CA10: variants seen among roughly 807,000 people sequenced by gnomAD.
CA10 encodes the protein carbonic anhydrase 10 (inactive), also known as carbonic anhydrase-related protein 10.
Under a neutral mutation model 44.2 loss-of-function variants are expected in CA10, and 14 were observed. The observed-to-expected ratio is 0.32, with a 90% CI of 0.21 to 0.50. CA10 has a LOEUF of 0.50. Among genes scored for constraint, CA10 ranks in the 20% least tolerant of loss-of-function variants. CA10 has a pLI of 0.99. For synonymous variants in CA10, 159 were observed against 141.6 expected (o/e 1.12, Z -0.87); for missense variants, 350 against 409.7 (o/e 0.85, Z 1.26).
At chr17:51,697,103 C>T (rs959854427) in intron 4 of CA10, among the ~76,000 whole-genome samples, 39 of 151,358 alleles carry the variant, frequency 2.6e-4, no homozygotes, top group Non-Finnish European at 7.4e-5. Flanking sequence ...AAAAAAGCAC[C>T]GTGTTAGAGC....
rs114913716 is a variant in CA10 at position 51,901,730 on chromosome 17, C to T, written c.279+29260G>A. Among the ~76,000 whole-genome samples, 480 of 152,174 alleles carry T rather than the reference C, an allele frequency of 3.2e-3. 2 individuals are homozygous for T. The highest frequency in any genetic ancestry group is 0.011 in the African/African-American group (467 of 41,514). ...CCATCTCAAAAGAAAACATTAGGTA[C>T]ACCATGGTAATTTTAATAATGATGA... On this transcript the variant is annotated intron_variant, in intron 3 of 8. Coordinates refer to ENST00000451037, the MANE Select transcript of CA10 (RefSeq NM_020178.5).
At chr17:51,787,420 T>C (rs1452679961) in intron 3 of CA10, among the ~76,000 whole-genome samples, 1 of 152,214 alleles carries the variant, frequency 6.6e-6, no homozygotes, top group Non-Finnish European at 1.5e-5. Context: ...CTTATTAGCA[T>C]ATAGTTGCTC....
At chr17:51,897,875 T>G (rs1483682484) in intron 3 of CA10, among the ~76,000 whole-genome samples, 1 of 152,152 alleles carries the variant, frequency 6.6e-6, no homozygotes, top group Admixed American at 6.6e-5. Flanking sequence ...TTGGATGTTA[T>G]TGATGTATAG....
chr17:51,754,377 C>T (rs1262324269), intron 3 of CA10, among the ~76,000 whole-genome samples: 2 of 136,074 alleles, frequency 1.5e-5, no homozygotes, highest in East Asian at 2.2e-4. Context: ...CGCACACACA[C>T]ATACATACTA....
intron 2 of CA10, among the ~76,000 whole-genome samples, chr17:51,970,430 A>G (rs1328043223): frequency 6.6e-6 from 1 of 152,124 alleles, no homozygotes; most frequent in Non-Finnish European, 1.5e-5. Flanking sequence ...AAGAGAATGG[A>G]AAGTCTAAAA....
In CA10 at chr17:51,876,497, G is replaced by A. The variant is rs139677509; in HGVS notation, c.279+54493C>T. Among the ~76,000 whole-genome samples the A allele has an allele frequency of 2.8e-3, 420 of 151,856 alleles. 2 individuals are homozygous for A. The highest frequency in any genetic ancestry group is 9.8e-3 in the African/African-American group (408 of 41,428). ...GCACCTGGCAGTTTTTATTTCTTTA[G>A]TGCAAAATGTCTCCACCTTGAATTT... is the stretch of plus-strand genomic sequence containing the variant. On this transcript the variant is annotated intron_variant, in intron 3 of 8. Transcript: ENST00000451037.
chr17:52,047,689 G>T (rs1398921181), intron 2 of CA10, among the ~76,000 whole-genome samples: 3 of 151,770 alleles, frequency 2.0e-5, no homozygotes, highest in Admixed American at 6.6e-5. Context: ...TTTCCTTCCA[G>T]AGTTTTTCTT....
At chr17:51,867,091 G>A (rs1168995383) in intron 3 of CA10, among the ~76,000 whole-genome samples, 1 of 151,718 alleles carries the variant, frequency 6.6e-6, no homozygotes, top group Non-Finnish European at 1.5e-5. Flanking sequence ...AAAAAAAAAA[G>A]AGCCTCTAAA....
chr17:52,061,404 A>G (rs1223073337), intron 2 of CA10, among the ~76,000 whole-genome samples: 1 of 152,168 alleles, frequency 6.6e-6, no homozygotes, highest in African/African-American at 2.4e-5. Flanking sequence ...TGCCCTAGTG[A>G]CACCTTGATT....
intron 6 of CA10, among the ~76,000 whole-genome samples, chr17:51,643,247 A>G (rs1167950251): frequency 1.3e-5 from 2 of 152,190 alleles, no homozygotes; most frequent in African/African-American, 4.8e-5. Flanking sequence ...TTTTTATTTA[A>G]TTGGGATTCT....
At chr17:51,719,348 CT>C (rs1334653107) in intron 4 of CA10, among the ~76,000 whole-genome samples, 3 of 152,146 alleles carry the variant, frequency 2.0e-5, no homozygotes, top group Admixed American at 2.0e-4. Flanking sequence ...TAGGTGACAC[CT>C]GAGGTTCGCT....
At chr17:51,913,376 G>C (rs1349660462) in intron 3 of CA10, among the ~76,000 whole-genome samples, 2 of 152,080 alleles carry the variant, frequency 1.3e-5, no homozygotes, top group Non-Finnish European at 2.9e-5. Context: ...CTTTGTGTTG[G>C]TGACTCAGTC....
intron 3 of CA10, among the ~76,000 whole-genome samples, chr17:51,885,189 C>A (rs1980544610): frequency 6.6e-6 from 1 of 152,132 alleles, no homozygotes; most frequent in Non-Finnish European, 1.5e-5. Context: ...TCTAAGAAAG[C>A]CCAGAGTTTT....
At position 52,044,771 on chromosome 17, in the gene CA10, A is replaced by AAAC. The variant is rs1555561297; in HGVS notation, c.136+27547_136+27548insGTT. ...ACTAGAAGAAACAGCAACAGAAACT[A>AAAC]TTAAAGTGCAAAGAGAAATAAAGAA... On this transcript the variant is annotated intron_variant, in intron 2 of 8. Coordinates refer to ENST00000451037, the MANE Select transcript of CA10 (RefSeq NM_020178.5). 2.0e-5 allele frequency among the ~76,000 whole-genome samples: 3 copies of AAAC among 152,050 alleles called. No homozygotes were observed. The East Asian group carries it at 6.0e-4, about 30-fold the overall frequency.
intron 3 of CA10, among the ~76,000 whole-genome samples, chr17:51,834,361 A>G (rs1341001731): frequency 2.0e-5 from 3 of 152,224 alleles, no homozygotes; most frequent in Non-Finnish European, 2.9e-5. Flanking sequence ...TCATGGGAAA[A>G]CAGGAAAAGA....
intron 1 of CA10, among the ~76,000 whole-genome samples, chr17:52,127,411 A>C (rs1368860952): frequency 6.6e-6 from 1 of 152,184 alleles, no homozygotes; most frequent in Non-Finnish European, 1.5e-5. Context: ...TTCCCAGCAC[A>C]CATGCATGCA....
At chr17:51,787,744 T>G (rs1035593828) in intron 3 of CA10, among the ~76,000 whole-genome samples, 2 of 152,194 alleles carry the variant, frequency 1.3e-5, no homozygotes, top group African/African-American at 4.8e-5. Context: ...GTGATCCACC[T>G]CTGCCTTCCA....
intron 2 of CA10, among the ~76,000 whole-genome samples, chr17:52,056,287 G>A (rs1004523887): frequency 2.0e-5 from 3 of 152,064 alleles, no homozygotes; most frequent in Non-Finnish European, 2.9e-5. Flanking sequence ...TGTTCAGTGA[G>A]GGAAGAAGGC....
intron 2 of CA10, among the ~76,000 whole-genome samples, chr17:52,055,804 G>A (rs1339911351): frequency 1.3e-5 from 2 of 152,072 alleles, no homozygotes; most frequent in African/African-American, 4.8e-5. Flanking sequence ...GCATAATTCT[G>A]GGCAACTGAT....
Sources: allele counts gnomAD v4.1 joint callset (sites outside exome capture counted in the v4.1 genomes callset), GRCh38; gene constraint gnomAD v4.1.1; transcripts MANE v1.5; gene names NCBI Gene and HGNC (gene_info 2026-07-23, HGNC 2026-07-21).